The following SLC10A6 variants were observed in gnomAD, a reference collection of about 807,000 sequenced individuals.
The protein encoded by SLC10A6 is sodium-dependent organic anion transporter.
In SLC10A6, 27 loss-of-function variants were observed where a neutral mutation model predicts 30.0. The ratio of observed to expected loss-of-function variants is 0.90; its 90% CI spans 0.66 to 1.24. SLC10A6 has a LOEUF of 1.24. Ranked by LOEUF, SLC10A6 falls within the 50% of genes most tolerant of loss-of-function variation. SLC10A6 has a pLI of 0.00. For missense variants in SLC10A6, 439 were observed against 457.0 expected (o/e 0.96, Z 0.36); for synonymous variants, 166 against 173.8 (o/e 0.95, Z 0.36).
chr4:86,837,201 T>TAGAGAGAG (rs369585953), intron 1 of SLC10A6, among the ~76,000 whole-genome samples: 6 of 104,312 alleles, frequency 5.8e-5, no homozygotes, highest in African/African-American at 3.2e-4. Flanking sequence ...ATGGTGCATG[T>TAGAGAGAG]AGAGAGAGAG....
chr4:86,828,489 A>T (rs1331665123), intron 3 of SLC10A6, among the ~76,000 whole-genome samples: 1 of 151,996 alleles, frequency 6.6e-6, no homozygotes, highest in Non-Finnish European at 1.5e-5. Flanking sequence ...AAAAGTGTAA[A>T]ATGAATGGAA....
intron 2 of SLC10A6, among the ~76,000 whole-genome samples, chr4:86,832,177 C>T (rs1456414889): frequency 6.6e-6 from 1 of 152,152 alleles, no homozygotes; most frequent in Non-Finnish European, 1.5e-5. Context: ...AGGTTTCCCT[C>T]AAATTTTACA....
intron 1 of SLC10A6, chr4:86,837,629 C>T (rs1746223347): frequency 1.0e-6 from 1 of 985,340 alleles, no homozygotes; most frequent in Non-Finnish European, 1.2e-6. Context: ...GTCTCACTCC[C>T]AAATCGCAAG....
chr4:86,837,247 G>GAAAGAAA (rs1389719384), intron 1 of SLC10A6, among the ~76,000 whole-genome samples: 2 of 111,542 alleles, frequency 1.8e-5, no homozygotes, highest in Non-Finnish European at 3.5e-5. Flanking sequence ...AAGAAAGAAA[G>GAAAGAAA]AAAGAAAGAA....
At chr4:86,833,469 T>C (rs201294493) in intron 1 of SLC10A6, 45 bp from the exon 2 acceptor site, 2 of 1,467,336 alleles carry the variant, frequency 1.4e-6, no homozygotes, top group Non-Finnish European at 1.9e-6. Context: ...GCATTGGACA[T>C]GAAGAATTTA....
At chr4:86,828,360 G>A (rs1746030653) in intron 3 of SLC10A6, among the ~76,000 whole-genome samples, 192 bp from the exon 4 acceptor site, 1 of 152,122 alleles carries the variant, frequency 6.6e-6, no homozygotes, top group Admixed American at 6.5e-5. Context: ...ACTTGCCTAT[G>A]CTAGAAATTG....
intron 1 of SLC10A6, chr4:86,837,540 G>A (rs1385850656): frequency 3.2e-6 from 3 of 941,000 alleles, no homozygotes; most frequent in Non-Finnish European, 3.8e-6. Context: ...AAAAATCAGG[G>A]AGGATGAGAA....
At chr4:86,844,510 T>C (rs1205333600) in intron 1 of SLC10A6, among the ~76,000 whole-genome samples, 1 of 152,210 alleles carries the variant, frequency 6.6e-6, no homozygotes, top group African/African-American at 2.4e-5. Flanking sequence ...GGACTGGCCT[T>C]GCAGTCTGCA....
At chr4:86,837,290 A>AAAGAAAAAGAAAGG (rs1746211407) in intron 1 of SLC10A6, among the ~76,000 whole-genome samples, 23 of 62,682 alleles carry the variant, frequency 3.7e-4, no homozygotes, top group South Asian at 1.1e-3. Flanking sequence ...AAAGAAAAAG[A>AAAGAAAAAGAAAGG]AAGGAAGGAA....
chr4:86,844,816 T>G (rs1409213871), intron 1 of SLC10A6, among the ~76,000 whole-genome samples: 1 of 152,108 alleles, frequency 6.6e-6, no homozygotes, highest in East Asian at 1.9e-4. Flanking sequence ...TCAGGAAACT[T>G]ACAAACATGG....
chr4:86,837,280 A>G (rs1360008826), intron 1 of SLC10A6, among the ~76,000 whole-genome samples: 7 of 106,618 alleles, frequency 6.6e-5, no homozygotes, highest in African/African-American at 1.4e-4. Context: ...AGAAAGAAAG[A>G]AAGAAAAAGA....
Position 86,833,301 on chromosome 4 carries a change from C to G in SLC10A6, c.496+5G>C, listed in dbSNP as rs766265901. 5.6e-6 allele frequency: 9 copies of G among 1,598,194 alleles called. No homozygotes were observed. Among genetic ancestry groups the G allele is most frequent in the South Asian group, 5.5e-5 (5 of 90,548 alleles). On this transcript the variant is annotated splice_donor_5th_base_variant and intron_variant, in intron 2 of 5. Transcript: ENST00000273905. ...TAGTCCTCCATTTCCCAGGCCCATA[C>G]AGACCTATGTTCTGATAAGGAATGG... is the stretch of plus-strand genomic sequence containing the variant.
At chr4:86,835,543 T>A (rs1374783378) in intron 1 of SLC10A6, among the ~76,000 whole-genome samples, 1 of 152,082 alleles carries the variant, frequency 6.6e-6, no homozygotes, top group Non-Finnish European at 1.5e-5. Flanking sequence ...GGCAGGTGCC[T>A]GTAATCCCAG....
intron 1 of SLC10A6, among the ~76,000 whole-genome samples, chr4:86,843,830 T>C (rs1234285554): frequency 6.6e-6 from 1 of 152,138 alleles, no homozygotes; most frequent in Non-Finnish European, 1.5e-5. Context: ...TTAGAAATAT[T>C]AACTCATTCA....
In SLC10A6 at chr4:86,823,666, C is replaced by T. The variant is rs1437783344; in HGVS notation, c.*22G>A. On this transcript the variant is annotated 3_prime_UTR_variant, in exon 6 of 6. Transcript: ENST00000273905. Reference sequence around the variant, plus strand: ...ACTGGCCACTGAAAAAGAAGGGGGCCAGTCCAGCCAGCTAGTCCCTGCTAT... The same window carrying T: ...ACTGGCCACTGAAAAAGAAGGGGGCTAGTCCAGCCAGCTAGTCCCTGCTAT... 2 of 1,554,654 alleles carry T rather than the reference C, an allele frequency of 1.3e-6. No homozygotes were observed. The highest frequency in any genetic ancestry group is 1.7e-6 in the Non-Finnish European group (2 of 1,151,478).
intron 1 of SLC10A6, among the ~76,000 whole-genome samples, chr4:86,839,923 T>A (rs114777926): frequency 0.031 from 4,671 of 151,330 alleles, 226 homozygotes; most frequent in African/African-American, 0.11. Context: ...TTTATTTTTT[T>A]TTTTTAGCTG....
At chr4:86,846,585 T>A (rs1048217981) in intron 1 of SLC10A6, among the ~76,000 whole-genome samples, 2 of 151,942 alleles carry the variant, frequency 1.3e-5, no homozygotes, top group African/African-American at 4.8e-5. Context: ...CCAGGCACGG[T>A]GGTGGGTACG....
rs548843815 is a variant in SLC10A6, at chr4:86,842,794, C to T, written c.377+5945G>A. Among the ~76,000 whole-genome samples, 7 of 4,050 alleles carry T rather than the reference C, an allele frequency of 1.7e-3. No individual in the cohort carries two copies. In the South Asian group the frequency reaches 0.042, roughly 24 times the overall value. 2.7% of individuals were successfully genotyped at this position (4,050 alleles called of 152,430 possible). A position where few individuals can be genotyped will look rare whatever the true frequency, so the allele number is the denominator to read the frequency against. On this transcript the variant is annotated intron_variant, in intron 1 of 5. Transcript: ENST00000273905. ...CAATAAATGGACACCTCTTTTCTTT[C>T]TTTCTTTCTTTCTTTCTTTCTTTCT...
chr4:86,838,931 A>G (rs1746246954), intron 1 of SLC10A6, among the ~76,000 whole-genome samples: 1 of 151,380 alleles, frequency 6.6e-6, no homozygotes, highest in Non-Finnish European at 1.5e-5. Flanking sequence ...AAAAAAAAAA[A>G]AAAAATTATG....
Sources: allele counts gnomAD v4.1 joint callset (sites outside exome capture counted in the v4.1 genomes callset), GRCh38; gene constraint gnomAD v4.1.1; transcripts MANE v1.5; gene names NCBI Gene and HGNC (gene_info 2026-07-23, HGNC 2026-07-21).